The following ZMPSTE24 variants were observed in gnomAD, a reference collection of about 807,000 sequenced individuals.
ZMPSTE24 encodes zinc metallopeptidase STE24.
In ZMPSTE24, 48 loss-of-function variants were observed where a neutral mutation model predicts 56.7. The observed-to-expected ratio is 0.85, with a 90% CI of 0.67 to 1.08. ZMPSTE24 has a LOEUF of 1.08. ZMPSTE24 is among the 50% of genes least tolerant of loss of function. The pLI is 0.00. For synonymous variants in ZMPSTE24, 172 were observed against 195.2 expected, an observed-to-expected ratio of 0.88 and a Z score of 0.99; for missense variants, 503 against 548.7, an observed-to-expected ratio of 0.92 and a Z score of 0.83.
chr1:40,281,265 A>T, intron 6 of ZMPSTE24, 78 bp from the exon 7 acceptor site: 1 of 1,345,650 alleles, frequency 7.4e-7, no homozygotes. Context: ...CTTTCCAGTA[A>T]TTCAATTTCT....
At chr1:40,268,615 C>A (rs1643580682) in intron 4 of ZMPSTE24, 80 bp downstream of exon 4, 2 of 922,136 alleles carry the variant, frequency 2.2e-6, no homozygotes, top group Non-Finnish European at 3.4e-6. Flanking sequence ...ATAATTTAAA[C>A]ATAATTTACT....
intron 6 of ZMPSTE24, among the ~76,000 whole-genome samples, chr1:40,273,516 TAAAAAAAA>T (rs1205861105): frequency 9.4e-5 from 1 of 10,584 alleles, no homozygotes; most frequent in South Asian, 4.9e-3. Flanking sequence ...AAATTCTGTC[TAAAAAAAA>T]AAAAAAAAAA....
At chr1:40,264,319 G>A (rs1643527519) in intron 2 of ZMPSTE24, among the ~76,000 whole-genome samples, 1 of 152,134 alleles carries the variant, frequency 6.6e-6, no homozygotes, top group African/African-American at 2.4e-5. Context: ...GGGTGACAGA[G>A]TGAGACTCCA....
intron 1 of ZMPSTE24, 111 bp from the exon 2 acceptor site, chr1:40,260,728 G>A (rs900507567): frequency 3.0e-5 from 33 of 1,105,964 alleles, no homozygotes; most frequent in Non-Finnish European, 4.4e-5. Flanking sequence ...TAGGTATAAA[G>A]CAAATTCAAC....
intron 4 of ZMPSTE24, among the ~76,000 whole-genome samples, chr1:40,269,064 A>C (rs1202585535): frequency 8.0e-5 from 10 of 125,412 alleles, no homozygotes; most frequent in Non-Finnish European, 1.6e-4. Flanking sequence ...TGACAGCAAG[A>C]CTCCGTCTCA....
Position 40,273,537 on chromosome 1 carries a change from A to AATATAT in ZMPSTE24, c.769+1529_769+1534dup, listed in dbSNP as rs71577619. ...TGTCTAAAAAAAAAAAAAAAAAAAA[A>AATATAT]ATATATATATATATATATATATATA... On this transcript the variant is annotated intron_variant, in intron 6 of 9. Transcript: ENST00000372759. 4.6e-3 allele frequency among the ~76,000 whole-genome samples: 57 copies of AATATAT among 12,388 alleles called. 3 individuals carry two copies. Among genetic ancestry groups the AATATAT allele is most frequent in the East Asian group, 0.01 (3 of 300 alleles). 8.1% of individuals were successfully genotyped at this position (12,388 alleles called of 152,430 possible).
At chr1:40,290,742 G>T in intron 8 of ZMPSTE24, 112 bp from the exon 9 acceptor site, 2 of 1,333,826 alleles carry the variant, frequency 1.5e-6, no homozygotes, top group Non-Finnish European at 2.1e-6. Context: ...GATTACAGGC[G>T]TGAGCCACCG....
Position 40,292,527 on chromosome 1 carries a change from A to C in ZMPSTE24, c.1286A>C (p.Lys429Thr), listed in dbSNP as rs753325094. The C allele has an allele frequency of 6.2e-7, 1 of 1,614,178 alleles. No homozygotes were observed. The change falls in exon 10 of 10, where the codon AAA becomes ACA. Residue 429 changes from lysine to threonine, a missense_variant. Coordinates refer to ENST00000372759, the MANE Select transcript of ZMPSTE24 (RefSeq NM_005857.5). ...DAFAKKLGKAKDLYSALIKLN... is the reference protein window; with the variant it reads ...DAFAKKLGKATDLYSALIKLN... The stretch of plus-strand genomic sequence containing the variant: ...TTTGCCAAGAAACTTGGGAAGGCTA[A>C]AGACTTATATTCTGCTTTAATCAAA...
intron 1 of ZMPSTE24, 122 bp downstream of exon 1, chr1:40,258,516 G>C: frequency 6.5e-7 from 1 of 1,543,784 alleles, no homozygotes. Context: ...TGTGGTCCCT[G>C]CTGAGTCTCG....
chr1:40,260,779 A>G, intron 1 of ZMPSTE24, 60 bp from the exon 2 acceptor site: 1 of 1,560,210 alleles, frequency 6.4e-7, no homozygotes, highest in Non-Finnish European at 8.8e-7. Flanking sequence ...ATGTTTGATC[A>G]TAAATGACTA....
Position 40,273,516 on chromosome 1 carries a change from T to TAAAAAAAAAA in ZMPSTE24, c.769+1494_769+1503dup, listed in dbSNP as rs1205861105. ...TGGGCAACAAGAGCCAAATTCTGTC[T>TAAAAAAAAAA]AAAAAAAAAAAAAAAAAAAAAATAT... On this transcript the variant is annotated intron_variant, in intron 6 of 9. Transcript: ENST00000372759. 2.8e-4 allele frequency among the ~76,000 whole-genome samples: 3 copies of TAAAAAAAAAA among 10,584 alleles called. No individual in the cohort carries two copies. In the South Asian group the frequency reaches 0.015, roughly 51 times the overall value. 6.9% of individuals were successfully genotyped at this position (10,584 alleles called of 152,430 possible).
intron 6 of ZMPSTE24, among the ~76,000 whole-genome samples, chr1:40,273,772 C>T (rs1053583464): frequency 1.4e-4 from 21 of 151,022 alleles, no homozygotes; most frequent in African/African-American, 4.9e-4. Context: ...CTCTAAGCTG[C>T]TTTTACTGAA....
Position 40,278,385 on chromosome 1 carries a change from C to T in ZMPSTE24, c.770-2958C>T, listed in dbSNP as rs952389947. ...CATCCTGGCTAACACGGTGAAACCC[C>T]GTCTCTACTAAAAATACAAAAAATT... On this transcript the variant is annotated intron_variant, in intron 6 of 9. Coordinates refer to ENST00000372759, the MANE Select transcript of ZMPSTE24 (RefSeq NM_005857.5). 1.1e-4 allele frequency among the ~76,000 whole-genome samples: 17 copies of T among 151,310 alleles called. No homozygotes were observed. The East Asian group carries it at 2.7e-3, about 24-fold the overall frequency.
At chr1:40,264,308 T>A (rs1643527407) in intron 2 of ZMPSTE24, among the ~76,000 whole-genome samples, 1 of 152,156 alleles carries the variant, frequency 6.6e-6, no homozygotes, top group Non-Finnish European at 1.5e-5. Flanking sequence ...CACTCCAGCC[T>A]GGGTGACAGA....
chr1:40,269,073 C>CAAAAAAAAAAAAAAA (rs60201234), intron 4 of ZMPSTE24, among the ~76,000 whole-genome samples: 3 of 46,216 alleles, frequency 6.5e-5, no homozygotes, highest in Non-Finnish European at 1.7e-4. Flanking sequence ...GACTCCGTCT[C>CAAAAAAAAAAAAAAA]AAAAAAAAAA....
At chr1:40,269,505 G>C (rs1009390794) in intron 4 of ZMPSTE24, among the ~76,000 whole-genome samples, 1 of 152,138 alleles carries the variant, frequency 6.6e-6, no homozygotes, top group Non-Finnish European at 1.5e-5. Context: ...TGTCACCTAG[G>C]CTGGAGTGCA....
intron 5 of ZMPSTE24, 118 bp downstream of exon 5, chr1:40,270,245 A>G: frequency 1.7e-6 from 2 of 1,187,408 alleles, no homozygotes; most frequent in South Asian, 1.3e-5. Flanking sequence ...AGGTGCTTAT[A>G]TACATTTCCC....
In ZMPSTE24 at chr1:40,285,972, C is replaced by G. The variant is rs1157809881; in HGVS notation, c.1002C>G (p.Gly334=). The change falls in exon 8 of 10, where the codon GGC becomes GGG. Residue 334 remains glycine (G), a synonymous_variant. Coordinates refer to ENST00000372759, the MANE Select transcript of ZMPSTE24 (RefSeq NM_005857.5). ...ATGAGGAGGTACTCGCTGTACTAGGCCATGAACTGGGGCACTGGAAGTTGG... is the reference window on the plus strand; with the variant it reads ...ATGAGGAGGTACTCGCTGTACTAGGGCATGAACTGGGGCACTGGAAGTTGG... ...CKNEEVLAVL[G]HELGHWKLGH... is the part of the protein sequence containing the mutation. 2 of 1,613,910 alleles carry G rather than the reference C, an allele frequency of 1.2e-6. No individual in the cohort carries two copies. The highest frequency in any genetic ancestry group is 1.7e-6 in the Non-Finnish European group (2 of 1,179,948).
Position 40,272,027 on chromosome 1 carries a change from T to C in ZMPSTE24, c.761T>C (p.Val254Ala). The C allele has an allele frequency of 6.2e-7, 1 of 1,607,542 alleles. No individual in the cohort carries two copies. The highest frequency in any genetic ancestry group is 8.5e-7 in the Non-Finnish European group (1 of 1,176,358). Residue 254 changes from valine to alanine, a missense_variant, in exon 6 of 10, where the codon GTT (valine) becomes GCT (alanine). By Grantham distance (64) the Val-to-Ala change is moderately conservative (BLOSUM62 0). Transcript: ENST00000372759. ...GACTTTCCTTTGACGAAGGTGTATG[T>C]TGTGGAAGGTAAGGCTACCTGGGGA... is the stretch of plus-strand genomic sequence containing the variant. ...SIDFPLTKVY[V>A]VEGSKRSSHS...
Sources: allele counts gnomAD v4.1 joint callset (sites outside exome capture counted in the v4.1 genomes callset), GRCh38; gene constraint gnomAD v4.1.1; transcripts MANE v1.5; gene names NCBI Gene and HGNC (gene_info 2026-07-23, HGNC 2026-07-21).